The following SMCHD1 variants were observed in gnomAD, a reference collection of about 807,000 sequenced individuals.
The protein encoded by SMCHD1 is structural maintenance of chromosomes flexible hinge domain containing 1, also known as structural maintenance of chromosomes flexible hinge domain-containing protein 1.
In SMCHD1, 78 loss-of-function variants were observed where a neutral mutation model predicts 254.7. That is an observed-to-expected ratio of 0.31 (90% CI 0.26 to 0.37). SMCHD1 has a LOEUF of 0.37. Among genes scored for constraint, SMCHD1 ranks in the 10% least tolerant of loss-of-function variants. SMCHD1 has a pLI of 1.00. For missense variants in SMCHD1, 1,840 were observed against 2,408.1 expected (o/e 0.76, Z 4.94); for synonymous variants, 766 against 794.9 (o/e 0.96, Z 0.61).
In SMCHD1 at chr18:2,738,495, G is replaced by T. The variant is rs749490704; in HGVS notation, c.3375G>T (p.Gln1125His). 6.2e-7 allele frequency: 1 copy of T among 1,612,530 alleles called. No homozygotes were observed. Among genetic ancestry groups the T allele is most frequent in the Non-Finnish European group, 8.5e-7 (1 of 1,179,336 alleles). The stretch of plus-strand genomic sequence containing the variant: ...CTGTAAAAGATATGCGCTATTGCCA[G>T]GTTTCATTCCAAGATGATCATGTGT... ...PTSVKDMRYC[Q>H]VSFQDDHVSL... The change falls in exon 26 of 48, where the codon CAG becomes CAT. Residue 1125 changes from glutamine (Q) to histidine (H), a missense_variant. Physicochemically the swap from Gln to His is conservative, Grantham distance 24. Around this residue, in one of 9 missense-constraint regions of SMCHD1, gnomAD observed 881 missense variants for 1,009.5 expected, o/e 0.87. Coordinates refer to ENST00000320876, the MANE Select transcript of SMCHD1 (RefSeq NM_015295.3).
chr18:2,785,182 C>G (rs1222478210), intron 45 of SMCHD1, among the ~76,000 whole-genome samples: 3 of 152,128 alleles, frequency 2.0e-5, no homozygotes, highest in Admixed American at 6.6e-5. Context: ...AGTGCATATA[C>G]TTACCAGGAA....
At chr18:2,722,903 T>G (rs995364445) in intron 20 of SMCHD1, among the ~76,000 whole-genome samples, 20 of 152,206 alleles carry the variant, frequency 1.3e-4, no homozygotes, top group African/African-American at 4.8e-4. Flanking sequence ...TTAAGGTGTT[T>G]ATGTCTTACT....
At chr18:2,795,770 T>TG (rs1285281226) in intron 45 of SMCHD1, among the ~76,000 whole-genome samples, 179 bp from the exon 46 acceptor site, 1 of 152,268 alleles carries the variant, frequency 6.6e-6, no homozygotes, top group Non-Finnish European at 1.5e-5. Context: ...AACAATTTTG[T>TG]GCTGGGATCT....
At chr18:2,758,599 G>A (rs2075725761) in intron 34 of SMCHD1, among the ~76,000 whole-genome samples, 1 of 152,030 alleles carries the variant, frequency 6.6e-6, no homozygotes, top group South Asian at 2.1e-4. Context: ...ATGTCTGCTG[G>A]TGATGAATTA....
At chr18:2,764,627 A>G (rs762541761) in intron 37 of SMCHD1, among the ~76,000 whole-genome samples, 1 of 152,160 alleles carries the variant, frequency 6.6e-6, no homozygotes, top group Admixed American at 6.5e-5. Context: ...GAATACATAC[A>G]TTTTTCTTGT....
chr18:2,768,011 G>A (rs1399744331), intron 37 of SMCHD1, among the ~76,000 whole-genome samples: 2 of 152,108 alleles, frequency 1.3e-5, no homozygotes, highest in Non-Finnish European at 1.5e-5. Flanking sequence ...GTAAAATACA[G>A]TATTATAATC....
At chr18:2,755,777 C>T (rs1322665604) in intron 34 of SMCHD1, among the ~76,000 whole-genome samples, 3 of 151,520 alleles carry the variant, frequency 2.0e-5, no homozygotes, top group East Asian at 2.0e-4. Context: ...CTGTGTTAGC[C>T]AGGATGATCT....
At chr18:2,748,390 A>ATTTTTTTTTTTTTTTTTTTTT (rs67175512) in intron 30 of SMCHD1, among the ~76,000 whole-genome samples, 1 of 92,700 alleles carries the variant, frequency 1.1e-5, no homozygotes, top group Non-Finnish European at 1.9e-5. Flanking sequence ...GTGTATATAA[A>ATTTTTTTTTTTTTTTTTTTTT]TTTTTTTTTT....
At chr18:2,737,003 A>AC (rs1318161004) in intron 25 of SMCHD1, among the ~76,000 whole-genome samples, 1 of 152,194 alleles carries the variant, frequency 6.6e-6, no homozygotes, top group Non-Finnish European at 1.5e-5. Context: ...TCGGTAGTAG[A>AC]TTGGATAAAG....
chr18:2,677,635 TTTTG>T (rs1315796210), intron 5 of SMCHD1, among the ~76,000 whole-genome samples: 2 of 152,234 alleles, frequency 1.3e-5, no homozygotes, highest in Non-Finnish European at 2.9e-5. Context: ...TTTTGTTTTG[TTTTG>T]TTTTTTGAGA....
At position 2,743,806 on chromosome 18, in the gene SMCHD1, G is replaced by T; in HGVS notation, c.3679G>T (p.Gly1227Cys). 1 of 1,613,032 alleles carries T rather than the reference G, an allele frequency of 6.2e-7. No individual in the cohort carries two copies. Among genetic ancestry groups the T allele is most frequent in the Non-Finnish European group, 8.5e-7 (1 of 1,179,476 alleles). The change falls in exon 29 of 48, where the codon GGT becomes TGT. Residue 1227 changes from glycine (G) to cysteine (C), a missense_variant. This residue lies in a region of SMCHD1 where 881 missense variants were observed against 1,009.5 expected (regional missense o/e 0.87). Coordinates refer to ENST00000320876, the MANE Select transcript of SMCHD1 (RefSeq NM_015295.3). ...TGTAAGAGGCATCAAATTTATTCCA[G>T]GTCCTCCTGGAAATAAGGATCTTTG... is the stretch of plus-strand genomic sequence containing the variant. ...ISVRGIKFIPGPPGNKDLCFT... is the reference protein window; with the variant it reads ...ISVRGIKFIPCPPGNKDLCFT...
At chr18:2,751,430 G>A in intron 33 of SMCHD1, 37 bp downstream of exon 33, 2 of 1,175,446 alleles carry the variant, frequency 1.7e-6, no homozygotes, top group East Asian at 2.6e-5. Context: ...GTTAAAAATA[G>A]TTCTTACATT....
chr18:2,797,074 G>C (rs2076277309), intron 47 of SMCHD1, among the ~76,000 whole-genome samples: 1 of 152,178 alleles, frequency 6.6e-6, no homozygotes. Flanking sequence ...TGTTAAAAGT[G>C]ATTGTTAAGA....
At chr18:2,678,266 T>TCC (rs1373938665) in intron 5 of SMCHD1, among the ~76,000 whole-genome samples, 3,563 of 132,098 alleles carry the variant, frequency 0.027, 64 homozygotes, top group Middle Eastern at 0.049. Context: ...TCTCTCTCTC[T>TCC]CTCTCTCCCT....
rs1160002670 is a variant in SMCHD1 at position 2,718,236 on chromosome 18, G to A, written c.2338+1G>A. ...TGGCCTTACTGGTTTAAAAAAATGG[G>A]TGAGTTCTTATTCTGAATGTTAAAA... On this transcript the variant is annotated splice_donor_variant, in intron 18 of 47. Transcript: ENST00000320876. LOFTEE classifies it high-confidence loss of function. The surrounding 1 kb of genome is among the most constrained non-coding windows in gnomAD (Gnocchi z 4.6). 1 of 1,612,542 alleles carries A rather than the reference G, an allele frequency of 6.2e-7. No homozygotes were observed. Among genetic ancestry groups the A allele is most frequent in the Non-Finnish European group, 8.5e-7 (1 of 1,179,020 alleles).
At chr18:2,722,475 G>T (rs767305694) in intron 19 of SMCHD1, 44 bp from the exon 20 acceptor site, 4 of 1,568,548 alleles carry the variant, frequency 2.6e-6, no homozygotes. Context: ...TGGCTTTTCT[G>T]ACCAATGTAC....
chr18:2,743,796 A>G lies in SMCHD1; in HGVS notation c.3669A>G (p.Lys1223=). Reference sequence around the variant, plus strand: ...AGAGTATAAGTGTAAGAGGCATCAAATTTATTCCAGGTCCTCCTGGAAATA... The same window carrying G: ...AGAGTATAAGTGTAAGAGGCATCAAGTTTATTCCAGGTCCTCCTGGAAATA... ...NTQSISVRGI[K]FIPGPPGNKD... Residue 1223 remains lysine (K), a synonymous_variant, in exon 29 of 48, where the codon AAA becomes AAG. Coordinates refer to ENST00000320876, the MANE Select transcript of SMCHD1 (RefSeq NM_015295.3). 6.2e-7 allele frequency: 1 copy of G among 1,613,076 alleles called. No homozygotes were observed. Among genetic ancestry groups the G allele is most frequent in the African/African-American group, 1.3e-5 (1 of 75,012 alleles).
In SMCHD1 at chr18:2,769,890, CCA is replaced by C. The variant is rs1297327070; in HGVS notation, c.4846+71_4846+72del. The stretch of plus-strand genomic sequence containing the variant: ...ACTTTAGATAACCTTGTTTTGCTTT[CCA>C]TTAACTTGGTGTTTATTAGCTATCT... On this transcript the variant is annotated intron_variant, in intron 38 of 47. Transcript: ENST00000320876. The C allele has an allele frequency of 3.4e-5, 53 of 1,545,756 alleles. No individual in the cohort carries two copies. In the Middle Eastern group the frequency reaches 6.9e-4, roughly 20 times the overall value.
In SMCHD1 at chr18:2,703,698, C is replaced by T. The variant is rs1224850132; in HGVS notation, c.1654C>T (p.Arg552Ter). ...ACATTTTAAAATTCTACAGGAACAG[C>T]GAATGAAAATTGACAGAGAATTTGC... Reference protein sequence around the residue: ...FTRILNGQEQRMKIDREFALW... With the variant: ...FTRILNGQEQ Residue 552 changes from arginine to a stop codon, truncating the protein, a stop_gained, in exon 13 of 48, where the codon CGA (arginine) becomes TGA (stop). Transcript: ENST00000320876. LOFTEE classifies it high-confidence loss of function. 1 of 1,603,710 alleles carries T rather than the reference C, an allele frequency of 6.2e-7. No individual in the cohort carries two copies. The highest frequency in any genetic ancestry group is 1.3e-5 in the African/African-American group (1 of 74,170).
Sources: gnomAD v4.1 joint callset for allele counts (sites outside exome capture counted in the v4.1 genomes callset) on GRCh38, gnomAD v4.1.1 for gene constraint, gnomAD v4.1.1 regional missense constraint, Gnocchi (gnomAD v3.1) non-coding constraint, MANE v1.5 for transcripts, NCBI Gene and HGNC (gene_info 2026-07-23, HGNC 2026-07-21) for gene names.